The following RASGRF2 variants were observed in gnomAD, a reference collection of about 807,000 sequenced individuals.
The protein encoded by RASGRF2 is Ras protein specific guanine nucleotide releasing factor 2.
A neutral mutation model predicts 151.0 loss-of-function variants in RASGRF2; 76 were observed. The ratio of observed to expected loss-of-function variants is 0.50; its 90% CI spans 0.42 to 0.61. RASGRF2 has a LOEUF of 0.61. RASGRF2 is among the 20% of genes least tolerant of loss of function. RASGRF2 has a pLI of 0.00. For synonymous variants in RASGRF2, 504 were observed against 566.5 expected (o/e 0.89, Z 1.57); for missense variants, 1,148 against 1,564.6 (o/e 0.73, Z 4.49).
intron 2 of RASGRF2, among the ~76,000 whole-genome samples, chr5:81,066,547 CCA>C (rs1751608697): frequency 6.6e-6 from 1 of 152,150 alleles, no homozygotes; most frequent in African/African-American, 2.4e-5. Flanking sequence ...GGGCCTGGCA[CCA>C]GGAACTAGAA....
In RASGRF2 at chr5:81,094,975, A is replaced by C; in HGVS notation, c.1738A>C (p.Met580Leu). ...CTCACGCCAGGAGAAAGCTGCCTGG[A>C]TGAGTGACATCAGTCAGGTAAGAAA... ...APSRQEKAAW[M>L]SDISQCVDNI... is the part of the protein sequence containing the mutation. Residue 580 changes from methionine to leucine, a missense_variant, in exon 12 of 27, where the codon ATG becomes CTG. Around this residue, in one of 5 missense-constraint regions of RASGRF2, gnomAD observed 646 missense variants for 807.4 expected, o/e 0.80. Transcript: ENST00000265080. 6.4e-7 allele frequency: 1 copy of C among 1,554,164 alleles called. No individual in the cohort carries two copies. The highest frequency in any genetic ancestry group is 1.7e-4 in the Middle Eastern group (1 of 5,842).
intron 1 of RASGRF2, among the ~76,000 whole-genome samples, chr5:80,980,578 G>A (rs531599243): frequency 8.5e-5 from 13 of 152,108 alleles, no homozygotes; most frequent in African/African-American, 2.9e-4. Context: ...GGAAGCAAAG[G>A]TTGCAGTGAA....
At chr5:81,164,963 A>G (rs13361589) in intron 17 of RASGRF2, among the ~76,000 whole-genome samples, 35,622 of 152,218 alleles carry the variant, frequency 0.23, 6,589 homozygotes, top group African/African-American at 0.51. Context: ...CACTAAAACG[A>G]TAGAAATCGA....
chr5:81,134,072 T>TTGTGTG (rs1287297835), intron 17 of RASGRF2, among the ~76,000 whole-genome samples: 8 of 78,096 alleles, frequency 1.0e-4, no homozygotes, highest in African/African-American at 1.5e-4. Flanking sequence ...TAGGAAATGC[T>TTGTGTG]TGTGTGCGTG....
chr5:80,997,373 A>G (rs1748917482), intron 1 of RASGRF2: 1 of 152,250 alleles, frequency 6.6e-6, no homozygotes, highest in African/African-American at 2.4e-5. Flanking sequence ...ACCTCACTTA[A>G]GGTGAGTACA....
chr5:80,976,194 T>C (rs1345934802), intron 1 of RASGRF2, among the ~76,000 whole-genome samples: 1 of 152,220 alleles, frequency 6.6e-6, no homozygotes, highest in Non-Finnish European at 1.5e-5. Flanking sequence ...TTAATTTTTA[T>C]GAACATTGTT....
At chr5:81,109,395 G>A (rs563519145) in intron 13 of RASGRF2, among the ~76,000 whole-genome samples, 4 of 152,280 alleles carry the variant, frequency 2.6e-5, no homozygotes, top group South Asian at 4.1e-4. Context: ...GGTGGCTCAC[G>A]CCTGTAATCC....
intron 16 of RASGRF2, among the ~76,000 whole-genome samples, chr5:81,126,773 G>A (rs919506087): frequency 1.3e-5 from 2 of 152,058 alleles, no homozygotes; most frequent in African/African-American, 2.4e-5. Context: ...ATATTCCCTT[G>A]TATTTTTCTG....
intron 2 of RASGRF2, among the ~76,000 whole-genome samples, chr5:81,058,247 C>G (rs1483601926): frequency 6.7e-6 from 1 of 150,062 alleles, no homozygotes; most frequent in Non-Finnish European, 1.5e-5. Flanking sequence ...AGCGAAAATA[C>G]AAAATAAAAA....
chr5:81,216,069 G>T (rs1755728824), intron 24 of RASGRF2, 114 bp downstream of exon 24: 8 of 1,068,304 alleles, frequency 7.5e-6, no homozygotes, highest in Non-Finnish European at 9.8e-6. Flanking sequence ...AAAAATAAAT[G>T]GGAAACAACT....
intron 26 of RASGRF2, among the ~76,000 whole-genome samples, chr5:81,221,464 G>A (rs139196440): frequency 7.6e-4 from 115 of 152,182 alleles, no homozygotes; most frequent in African/African-American, 2.4e-3. Context: ...CTTGGCCATC[G>A]GGTGCTCTTT....
intron 15 of RASGRF2, 32 bp downstream of exon 15, chr5:81,113,952 C>CT (rs753477500): frequency 9.9e-5 from 157 of 1,581,374 alleles, no homozygotes; most frequent in Non-Finnish European, 1.2e-4. Context: ...TAATTACACC[C>CT]CACATTTGCT....
intron 18 of RASGRF2, among the ~76,000 whole-genome samples, chr5:81,184,414 ACT>A (rs1754981040): frequency 6.6e-6 from 1 of 151,952 alleles, no homozygotes; most frequent in African/African-American, 2.4e-5. Flanking sequence ...TGTGCACAAG[ACT>A]CTGTCGAAGG....
chr5:81,022,989 T>C (rs1398012554), intron 1 of RASGRF2, among the ~76,000 whole-genome samples: 1 of 150,080 alleles, frequency 6.7e-6, no homozygotes, highest in African/African-American at 2.5e-5. Flanking sequence ...AAATTGGAGA[T>C]AACTTTGAGG....
At chr5:80,966,512 A>G (rs1400794085) in intron 1 of RASGRF2, among the ~76,000 whole-genome samples, 1 of 152,242 alleles carries the variant, frequency 6.6e-6, no homozygotes, top group Admixed American at 6.5e-5. Context: ...AAAATTATCC[A>G]TTACATTTTT....
intron 18 of RASGRF2, among the ~76,000 whole-genome samples, chr5:81,197,846 G>C (rs964727820): frequency 6.6e-6 from 1 of 152,208 alleles, no homozygotes; most frequent in Non-Finnish European, 1.5e-5. Flanking sequence ...GGACTTTGCA[G>C]TGTTCAGTTC....
chr5:81,074,508 A>T (rs1751879535), intron 5 of RASGRF2, among the ~76,000 whole-genome samples: 1 of 152,166 alleles, frequency 6.6e-6, no homozygotes, highest in African/African-American at 2.4e-5. Context: ...TAATATCTGT[A>T]CTAGTTTCTT....
intron 1 of RASGRF2, among the ~76,000 whole-genome samples, chr5:81,031,037 T>C (rs1201600813): frequency 6.6e-6 from 1 of 151,848 alleles, no homozygotes; most frequent in Non-Finnish European, 1.5e-5. Context: ...TCAACAAAGA[T>C]CAAAAGAGAC....
Position 80,960,641 on chromosome 5 carries a change from G to T in RASGRF2, c.-98G>T. On this transcript the variant is annotated 5_prime_UTR_variant, in exon 1 of 27. Coordinates refer to ENST00000265080, the MANE Select transcript of RASGRF2 (RefSeq NM_006909.3). This position sits in a 1 kb window ranked among gnomAD's most constrained non-coding sequence, Gnocchi z 5.5. ...GAAAGGGGGCGCCCTTCGCCGGCCG[G>T]GACCTGAGCGGTCGCGCCCTCGAGG... The T allele has an allele frequency of 8.7e-7, 1 of 1,149,480 alleles. No homozygotes were observed. Among genetic ancestry groups the T allele is most frequent in the East Asian group, 3.2e-5 (1 of 31,376 alleles). The allele number at this position is 1,149,480 out of a possible 1,614,324, so 71.2% of individuals were successfully genotyped here. A position where few individuals can be genotyped will look rare whatever the true frequency, so the allele number is the denominator to read the frequency against.
Sources: allele counts gnomAD v4.1 joint callset (sites outside exome capture counted in the v4.1 genomes callset), GRCh38; gene constraint gnomAD v4.1.1; regional missense constraint gnomAD v4.1.1; non-coding constraint Gnocchi (gnomAD v3.1); transcripts MANE v1.5; gene names NCBI Gene and HGNC (gene_info 2026-07-23, HGNC 2026-07-21).